Variants in CENPP observed in about 807,000 individuals in gnomAD.
CENPP encodes centromere protein P.
CENPP carries 24 observed loss-of-function variants against 35.6 expected under a neutral mutation model. The ratio of observed to expected loss-of-function variants is 0.67; its 90% CI spans 0.49 to 0.95. The LOEUF (loss-of-function observed/expected upper bound fraction) is 0.95, where lower values mean the gene tolerates loss of function less well. CENPP is among the 40% of genes least tolerant of loss of function. CENPP has a pLI of 0.00. For synonymous variants in CENPP, 120 were observed against 125.5 expected (o/e 0.96, Z 0.29); for missense variants, 332 against 345.3 (o/e 0.96, Z 0.31).
intron 5 of CENPP, among the ~76,000 whole-genome samples, chr9:92,588,270 A>G (rs1850586794): frequency 1.3e-5 from 2 of 151,628 alleles, no homozygotes; most frequent in African/African-American, 4.8e-5. Context: ...TTTTTTTGAG[A>G]CAGAGTCTCG....
chr9:92,384,887 T>G (rs780004291), intron 5 of CENPP: 8 of 152,526 alleles, frequency 5.2e-5, no homozygotes, highest in Non-Finnish European at 1.2e-4. Context: ...CATATTGGTT[T>G]TGGCCTGCTT....
rs1228526070 is a variant in CENPP, at chr9:92,451,772, A to G, written c.564+71913A>G. Among the ~76,000 whole-genome samples, 146 of 131,466 alleles carry G rather than the reference A, an allele frequency of 1.1e-3. 1 individual carries two copies. In the South Asian group the frequency reaches 0.017, roughly 15 times the overall value. 86.2% of individuals were successfully genotyped at this position (131,466 alleles called of 152,430 possible). A position where few individuals can be genotyped will look rare whatever the true frequency, so the allele number is the denominator to read the frequency against. On this transcript the variant is annotated intron_variant, in intron 5 of 7. Coordinates refer to ENST00000375587, the MANE Select transcript of CENPP (RefSeq NM_001012267.3). ...ATTTGTTTGTATCCTCTTTTATTTC[A>G]TTGAGCAGTGGTTTGTAGTTCTCCT...
At chr9:92,464,895 A>G (rs1845248106) in intron 5 of CENPP, 1 of 1,483,546 alleles carries the variant, frequency 6.7e-7, no homozygotes, top group Non-Finnish European at 9.4e-7. Context: ...AAAATACCAT[A>G]TCTTAGATAA....
intron 5 of CENPP, among the ~76,000 whole-genome samples, chr9:92,569,149 C>T (rs944923289): frequency 1.6e-4 from 25 of 152,128 alleles, no homozygotes; most frequent in African/African-American, 6.0e-4. Context: ...TCATGAAGTC[C>T]TTGCCCATGC....
chr9:92,352,505 G>GTGTGTGTGTGTGTGTATATATATA, intron 4 of CENPP, among the ~76,000 whole-genome samples: 2 of 49,792 alleles, frequency 4.0e-5, no homozygotes, highest in African/African-American at 3.6e-4. Flanking sequence ...GTGTGTGTGT[G>GTGTGTGTGTGTGTGTATATATATA]TATACATATA....
chr9:92,355,928 C>T (rs1841577514), intron 4 of CENPP, among the ~76,000 whole-genome samples: 1 of 152,168 alleles, frequency 6.6e-6, no homozygotes. Context: ...ACTTAGGAGT[C>T]TTCTGTGTAT....
At chr9:92,601,470 G>A (rs1025540151) in intron 5 of CENPP, among the ~76,000 whole-genome samples, 3 of 152,140 alleles carry the variant, frequency 2.0e-5, no homozygotes, top group African/African-American at 4.8e-5. Context: ...CAAAGTGCTC[G>A]AATATCCAGT....
At chr9:92,574,147 C>G (rs1054486169) in intron 5 of CENPP, among the ~76,000 whole-genome samples, 1 of 152,130 alleles carries the variant, frequency 6.6e-6, no homozygotes, top group African/African-American at 2.4e-5. Context: ...GCAGAAATCA[C>G]CCGTCTTCTG....
Position 92,615,926 on chromosome 9 carries a change from T to C in CENPP, c.*2777T>C, listed in dbSNP as rs779526527. On this transcript the variant is annotated 3_prime_UTR_variant, in exon 8 of 8. Coordinates refer to ENST00000375587, the MANE Select transcript of CENPP (RefSeq NM_001012267.3). ...TTTGGCACGTACAGTCTTTGAATAA[T>C]AGTTGACGATCTTGCCGTCCAGTTT... 3 of 1,614,048 alleles carry C rather than the reference T, an allele frequency of 1.9e-6. No homozygotes were observed. The highest frequency in any genetic ancestry group is 3.3e-5 in the Admixed American group (2 of 59,998).
Position 92,552,015 on chromosome 9 carries a change from A to G in CENPP, c.565-59299A>G, listed in dbSNP as rs573121948. Among the ~76,000 whole-genome samples, 11 of 141,810 alleles carry G rather than the reference A, an allele frequency of 7.8e-5. 1 individual carries two copies. The South Asian group carries it at 2.5e-3, about 32-fold the overall frequency. 93.0% of individuals were successfully genotyped at this position (141,810 alleles called of 152,430 possible). ...TGTGATATATATGTGTATATATATGATATGATAGATCTATCATATATGTGA... is the reference window on the plus strand; with the variant it reads ...TGTGATATATATGTGTATATATATGGTATGATAGATCTATCATATATGTGA... On this transcript the variant is annotated intron_variant, in intron 5 of 7. Transcript: ENST00000375587.
intron 5 of CENPP, among the ~76,000 whole-genome samples, chr9:92,428,165 G>T (rs550475588): frequency 3.8e-4 from 58 of 152,154 alleles, no homozygotes; most frequent in Non-Finnish European, 6.3e-4. Context: ...AGGAGCAGAG[G>T]CTCCTGAATT....
intron 5 of CENPP, among the ~76,000 whole-genome samples, chr9:92,574,178 A>G (rs1413635863): frequency 1.3e-5 from 2 of 152,128 alleles, no homozygotes; most frequent in Non-Finnish European, 1.5e-5. Context: ...GCTGGGAGCT[A>G]TAGACTGGAG....
chr9:92,417,277 C>G, intron 5 of CENPP: 1 of 1,614,018 alleles, frequency 6.2e-7, no homozygotes, highest in Non-Finnish European at 8.5e-7. Context: ...GGTAGAGTTG[C>G]TGAATGTGCA....
At chr9:92,519,092 C>T (rs959597339) in intron 5 of CENPP, among the ~76,000 whole-genome samples, 2 of 152,132 alleles carry the variant, frequency 1.3e-5, no homozygotes, top group African/African-American at 2.4e-5. Context: ...CCAAGTTCCA[C>T]CCCCAAATGA....
chr9:92,488,843 T>A (rs1050519179), intron 5 of CENPP, among the ~76,000 whole-genome samples: 1 of 152,230 alleles, frequency 6.6e-6, no homozygotes, highest in Non-Finnish European at 1.5e-5. Flanking sequence ...TTCCTTTTCT[T>A]TTCCAAACTA....
intron 5 of CENPP, chr9:92,600,496 G>A (rs777281016): frequency 6.2e-7 from 1 of 1,612,904 alleles, no homozygotes; most frequent in Non-Finnish European, 8.5e-7. Context: ...TTCTGCAAAG[G>A]TCTGGAGATG....
intron 5 of CENPP, among the ~76,000 whole-genome samples, chr9:92,469,322 C>T (rs973879145): frequency 2.2e-4 from 33 of 152,320 alleles, no homozygotes; most frequent in African/African-American, 7.2e-4. Context: ...AAGGTGCTGG[C>T]TACCTGACCG....
At chr9:92,604,437 G>GT (rs1160803792) in intron 5 of CENPP, among the ~76,000 whole-genome samples, 1 of 152,096 alleles carries the variant, frequency 6.6e-6, no homozygotes, top group African/African-American at 2.4e-5. Flanking sequence ...CTGGATACAA[G>GT]TTTTTGCCAA....
At chr9:92,380,898 C>T (rs1031030714) in intron 5 of CENPP, among the ~76,000 whole-genome samples, 2 of 152,122 alleles carry the variant, frequency 1.3e-5, no homozygotes, top group African/African-American at 2.4e-5. Context: ...TTTGACTCTA[C>T]GTGCTTTCCA....
Sources: gnomAD v4.1 joint callset for allele counts (sites outside exome capture counted in the v4.1 genomes callset) on GRCh38, gnomAD v4.1.1 for gene constraint, MANE v1.5 for transcripts, NCBI Gene and HGNC (gene_info 2026-07-23, HGNC 2026-07-21) for gene names.